Variants in N4BP2L2 observed in about 807,000 individuals in gnomAD.
N4BP2L2 encodes the protein NEDD4-binding protein 2-like 2.
Under a neutral mutation model 56.2 loss-of-function variants are expected in N4BP2L2, and 50 were observed. The observed-to-expected ratio is 0.89, with a 90% CI of 0.71 to 1.13. The LOEUF (loss-of-function observed/expected upper bound fraction) is 1.13. Ranked by LOEUF, N4BP2L2 falls within the 50% of genes most tolerant of loss-of-function variation. The probability of loss-of-function intolerance (pLI) is 0.00; values close to 1 mark genes in which losing one functional copy is unlikely to be tolerated. For synonymous variants in N4BP2L2, 203 were observed against 223.6 expected (o/e 0.91, Z 0.82); for missense variants, 689 against 693.8 (o/e 0.99, Z 0.08).
At chr13:32,520,813 G>A (rs1458036519) in intron 5 of N4BP2L2, among the ~76,000 whole-genome samples, 1 of 152,140 alleles carries the variant, frequency 6.6e-6, no homozygotes, top group African/African-American at 2.4e-5. Flanking sequence ...TGGTTAAGCT[G>A]CGAAAACTCA....
intron 1 of N4BP2L2, among the ~76,000 whole-genome samples, chr13:32,538,408 C>G (rs1394550921): frequency 3.9e-5 from 6 of 152,116 alleles, no homozygotes; most frequent in African/African-American, 1.4e-4. Flanking sequence ...CCAGAGTGAG[C>G]GACCCGGGCA....
intron 5 of N4BP2L2, among the ~76,000 whole-genome samples, chr13:32,518,501 GAC>G (rs892466559): frequency 9.9e-5 from 15 of 152,070 alleles, no homozygotes; most frequent in African/African-American, 3.4e-4. Context: ...AAATAAATTA[GAC>G]ACAATGTATA....
intron 6 of N4BP2L2, chr13:32,477,939 G>A: frequency 7.8e-7 from 1 of 1,289,372 alleles, no homozygotes; most frequent in Non-Finnish European, 1.0e-6. Flanking sequence ...TCTCCCTTTT[G>A]TTCTTGCTGC....
At chr13:32,534,174 C>T (rs1445279842) in intron 2 of N4BP2L2, among the ~76,000 whole-genome samples, 5 of 152,126 alleles carry the variant, frequency 3.3e-5, no homozygotes, top group Admixed American at 2.0e-4. Flanking sequence ...AATCATAATA[C>T]GAATGGTACT....
chr13:32,469,093 G>T (rs2081814921), intron 6 of N4BP2L2, among the ~76,000 whole-genome samples: 1 of 152,222 alleles, frequency 6.6e-6, no homozygotes, highest in Non-Finnish European at 1.5e-5. Flanking sequence ...ACGGTCCCCC[G>T]AGTGTTCTTT....
chr13:32,446,538 G>A (rs1173419004), intron 6 of N4BP2L2: 44 of 1,291,048 alleles, frequency 3.4e-5, no homozygotes, highest in Non-Finnish European at 4.4e-5. Flanking sequence ...TTATTCATTC[G>A]ATTAAATGGT....
chr13:32,527,534 T>C lies in N4BP2L2; in HGVS notation c.1260-2A>G. 2.5e-6 allele frequency: 4 copies of C among 1,610,648 alleles called. No individual in the cohort carries two copies. Among genetic ancestry groups the C allele is most frequent in the Non-Finnish European group, 3.4e-6 (4 of 1,179,740 alleles). ...TCACGATTCTGACCAAGCAGAATTC[T>C]GTTAATAAAAGAAATCATAAAGGTG... On this transcript the variant is annotated splice_acceptor_variant, in intron 2 of 5. Coordinates refer to ENST00000267068, the Ensembl canonical transcript of N4BP2L2. LOFTEE classifies it high-confidence loss of function.
intron 6 of N4BP2L2, among the ~76,000 whole-genome samples, chr13:32,470,957 G>C (rs529223059): frequency 1.3e-5 from 2 of 152,200 alleles, no homozygotes; most frequent in South Asian, 2.1e-4. Flanking sequence ...ACTGCTGCCT[G>C]GATTGCTGTC....
At chr13:32,462,801 G>A (rs960097492) in intron 6 of N4BP2L2, among the ~76,000 whole-genome samples, 10 of 147,278 alleles carry the variant, frequency 6.8e-5, no homozygotes, top group African/African-American at 2.0e-4. Flanking sequence ...CAAGGAGGGC[G>A]GATCAAAAGG....
chr13:32,535,712 C>A, intron 2 of N4BP2L2, 57 bp downstream of exon 2: 1 of 1,538,030 alleles, frequency 6.5e-7, no homozygotes, highest in Non-Finnish European at 8.8e-7. Context: ...CGACAAATAT[C>A]ATTTATAATT....
intron 6 of N4BP2L2, among the ~76,000 whole-genome samples, chr13:32,498,273 G>A (rs981377983): frequency 6.6e-6 from 1 of 152,092 alleles, no homozygotes; most frequent in African/African-American, 2.4e-5. Context: ...GCATGCAGCT[G>A]ACACATAATT....
chr13:32,502,538 A>G (rs1949942454), intron 6 of N4BP2L2, among the ~76,000 whole-genome samples: 1 of 152,236 alleles, frequency 6.6e-6, no homozygotes, highest in Admixed American at 6.5e-5. Context: ...ACTCTAAAAT[A>G]TTCATCTTGC....
chr13:32,504,190 A>T (rs750674488), intron 6 of N4BP2L2, among the ~76,000 whole-genome samples: 1 of 152,328 alleles, frequency 6.6e-6, no homozygotes, highest in East Asian at 1.9e-4. Context: ...AAAAGAAGGA[A>T]ATGTCTCCAA....
intron 6 of N4BP2L2, among the ~76,000 whole-genome samples, chr13:32,452,496 T>C (rs888792526): frequency 6.6e-6 from 1 of 152,220 alleles, no homozygotes; most frequent in Non-Finnish European, 1.5e-5. Flanking sequence ...CCTTCAGTAA[T>C]GTGTAAAATA....
chr13:32,437,216 CTGTG>C (rs1370327427), intron 8 of N4BP2L2, among the ~76,000 whole-genome samples: 3 of 152,008 alleles, frequency 2.0e-5, no homozygotes, highest in African/African-American at 7.2e-5. Flanking sequence ...AAATATTGCT[CTGTG>C]TGTGTGTATG....
intron 6 of N4BP2L2, chr13:32,478,149 A>C: frequency 2.1e-6 from 2 of 956,874 alleles, no homozygotes; most frequent in Non-Finnish European, 1.4e-6. Context: ...CAGAACATTC[A>C]ATCTCAACGA....
rs530296319 is a variant in N4BP2L2 at position 32,466,765 on chromosome 13, T to C, written c.366-22639A>G. Reference sequence around the variant, plus strand: ...CTTCTTAGTTATATATAATCTTCTATTTTTTAACCTGGGTAGTGGTAACAT... The same window carrying C: ...CTTCTTAGTTATATATAATCTTCTACTTTTTAACCTGGGTAGTGGTAACAT... On this transcript the variant is annotated intron_variant, in intron 6 of 9. Transcript: ENST00000357505. Among the ~76,000 whole-genome samples, 9 of 152,326 alleles carry C rather than the reference T, an allele frequency of 5.9e-5. No individual in the cohort carries two copies. In the East Asian group the frequency reaches 1.7e-3, roughly 29 times the overall value.
chr13:32,477,167 A>G (rs1348809621), intron 6 of N4BP2L2: 9 of 537,688 alleles, frequency 1.7e-5, no homozygotes, highest in Non-Finnish European at 3.2e-5. Context: ...GCAGTCTGAG[A>G]TCTACTCATT....
chr13:32,436,088 G>A (rs1266332384), intron 9 of N4BP2L2, among the ~76,000 whole-genome samples: 1 of 152,150 alleles, frequency 6.6e-6, no homozygotes, highest in Non-Finnish European at 1.5e-5. Flanking sequence ...TGTGTTGATA[G>A]AATGTTATAA....
Sources: gnomAD v4.1 joint callset for allele counts (sites outside exome capture counted in the v4.1 genomes callset) on GRCh38, gnomAD v4.1.1 for gene constraint, MANE v1.5 for transcripts, NCBI Gene and HGNC (gene_info 2026-07-23, HGNC 2026-07-21) for gene names.